Variants in FCGR1A observed in about 807,000 individuals in gnomAD.
FCGR1A encodes Fc gamma receptor Ia.
A neutral mutation model predicts 35.0 loss-of-function variants in FCGR1A; 13 were observed. The observed-to-expected ratio is 0.37, with a 90% CI of 0.24 to 0.59. The LOEUF (loss-of-function observed/expected upper bound fraction) is 0.59. FCGR1A is among the 20% of genes least tolerant of loss of function. The pLI is 0.71. For synonymous variants in FCGR1A, 91 were observed against 164.7 expected, an observed-to-expected ratio of 0.55 and a Z score of 3.43; for missense variants, 227 against 430.0, an observed-to-expected ratio of 0.53 and a Z score of 4.17.
chr1:149,790,728 T>TG (rs1455129065), intron 5 of FCGR1A, among the ~76,000 whole-genome samples: 8 of 149,136 alleles, frequency 5.4e-5, no homozygotes, highest in Non-Finnish European at 1.0e-4. Flanking sequence ...CACCAACAAT[T>TG]TATCAAGTTC....
downstream of FCGR1A, among the ~76,000 whole-genome samples, chr1:149,796,196 CA>C (rs2091798398): frequency 6.6e-6 from 1 of 152,080 alleles, no homozygotes; most frequent in African/African-American, 2.4e-5. Context: ...CTCCCTATCA[CA>C]CATGTATACT....
At chr1:149,790,646 C>T (rs2102061311) in intron 5 of FCGR1A, among the ~76,000 whole-genome samples, 1 of 150,618 alleles carries the variant, frequency 6.6e-6, no homozygotes, top group South Asian at 2.2e-4. Flanking sequence ...ACTCTTCCCT[C>T]CACTCCATGA....
downstream of FCGR1A, chr1:149,792,711 G>A (rs2091741858): frequency 7.8e-7 from 1 of 1,283,342 alleles, no homozygotes; most frequent in Non-Finnish European, 1.0e-6. Context: ...GCTGTTGGGC[G>A]CGCGCTTCTC....
At chr1:149,786,710 G>C (rs1553750876) in intron 3 of FCGR1A, 1 of 152,098 alleles carries the variant, frequency 6.6e-6, no homozygotes, top group African/African-American at 2.4e-5. Flanking sequence ...CGTGAGTTTT[G>C]ATATATAATA....
At chr1:149,787,293 T>C (rs1486612790) in intron 3 of FCGR1A, 2 of 152,222 alleles carry the variant, frequency 1.3e-5, no homozygotes, top group Admixed American at 6.5e-5. Flanking sequence ...GGCACTATTG[T>C]CTCTTTTCCG....
In FCGR1A at chr1:149,782,719, C is replaced by T; in HGVS notation, c.-25C>T. 1 of 1,589,738 alleles carries T rather than the reference C, an allele frequency of 6.3e-7. No individual in the cohort carries two copies. The highest frequency in any genetic ancestry group is 1.1e-5 in the South Asian group (1 of 90,038). ...AATATCTTGCATGTTACAGATTTCA[C>T]TGCTCCCACCAGCTTGGAGACAACA... On this transcript the variant is annotated 5_prime_UTR_variant, in exon 1 of 6. Coordinates refer to ENST00000369168, the MANE Select transcript of FCGR1A (RefSeq NM_000566.4).
chr1:149,788,285 A>G, intron 3 of FCGR1A, 81 bp from the exon 4 acceptor site: 1 of 1,609,856 alleles, frequency 6.2e-7, no homozygotes, highest in Non-Finnish European at 8.5e-7. Flanking sequence ...AGGAGAAAAA[A>G]TAGGAAGCCC....
At chr1:149,789,984 G>A in intron 4 of FCGR1A, 70 bp from the exon 5 acceptor site, 1 of 1,612,926 alleles carries the variant, frequency 6.2e-7, no homozygotes, top group Non-Finnish European at 8.5e-7. Context: ...GGGGGTAAAG[G>A]GCATGTCTTT....
chr1:149,792,644 T>A (rs6658340), downstream of FCGR1A: 2 of 1,272,380 alleles, frequency 1.6e-6, no homozygotes, highest in Admixed American at 4.8e-5. Context: ...TATTGCAGCC[T>A]CCGCCTGTAT....
intron 5 of FCGR1A, among the ~76,000 whole-genome samples, chr1:149,790,701 C>A (rs1407463212): frequency 1.3e-5 from 2 of 150,362 alleles, no homozygotes; most frequent in Non-Finnish European, 3.0e-5. Context: ...TGCCTCCCTC[C>A]TCCTCACCAA....
rs674732 is a variant in FCGR1A at position 149,790,030 on chromosome 1, G to T, written c.560-24G>T. Reference sequence around the variant, plus strand: ...ACCTGGATGCTAAACAGGCAACCTTGTCCCCCATCAACTTTCTCCTTAGAG... The same window carrying T: ...ACCTGGATGCTAAACAGGCAACCTTTTCCCCCATCAACTTTCTCCTTAGAG... On this transcript the variant is annotated intron_variant, in intron 4 of 5. Coordinates refer to ENST00000369168, the MANE Select transcript of FCGR1A (RefSeq NM_000566.4). 20 of 1,611,682 alleles carry T rather than the reference G, an allele frequency of 1.2e-5. 1 individual carries two copies. In the South Asian group the frequency reaches 2.2e-4, roughly 18 times the overall value.
Position 149,788,511 on chromosome 1 carries a change from T to C in FCGR1A, c.453T>C (p.Ser151=), listed in dbSNP as rs1553751145. ...CCTTTAAGTTTTTCCACTGGAATTC[T>C]AACCTCACCATTCTGAAAACCAACA... ...GKAFKFFHWN[S]NLTILKTNIS... is the part of the protein sequence containing the mutation. Residue 151 remains serine (S), a synonymous_variant, in exon 4 of 6, where the codon TCT becomes TCC. Coordinates refer to ENST00000369168, the MANE Select transcript of FCGR1A (RefSeq NM_000566.4). 1 of 1,613,892 alleles carries C rather than the reference T, an allele frequency of 6.2e-7. No homozygotes were observed. Among genetic ancestry groups the C allele is most frequent in the Admixed American group, 1.7e-5 (1 of 60,016 alleles).
In FCGR1A at chr1:149,791,327, C is replaced by A. The variant is rs782691099; in HGVS notation, c.935C>A (p.Thr312Lys). The change falls in exon 6 of 6, where the codon ACA becomes AAA. Residue 312 changes from threonine (T) to lysine (K), a missense_variant. By Grantham distance (78) the Thr-to-Lys change is moderately conservative (BLOSUM62 -1). Around this residue, in one of 3 missense-constraint regions of FCGR1A, gnomAD observed 39 missense variants for 101.3 expected, o/e 0.38. Coordinates refer to ENST00000369168, the MANE Select transcript of FCGR1A (RefSeq NM_000566.4). ...TTAGTGAACACTGTTCTCTGGGTGA[C>A]AATACGTAAAGAACTGAAAAGAAAG... is the stretch of plus-strand genomic sequence containing the variant. ...MFLVNTVLWV[T>K]IRKELKRKKK... is the part of the protein sequence containing the mutation. 2.7e-5 allele frequency: 43 copies of A among 1,593,600 alleles called. 1 individual carries two copies. The highest frequency in any genetic ancestry group is 3.5e-5 in the Non-Finnish European group (41 of 1,169,826).
At chr1:149,785,704 C>T (rs1341061590) in intron 3 of FCGR1A, 1 of 151,994 alleles carries the variant, frequency 6.6e-6, no homozygotes, top group Admixed American at 6.6e-5. Flanking sequence ...TGAAATATAA[C>T]TTATGTACAA....
At chr1:149,797,685 G>A in the FCGR1A span, among the ~76,000 whole-genome samples, 32 of 152,178 alleles carry the variant, frequency 2.1e-4, no homozygotes, top group East Asian at 2.7e-3. Flanking sequence ...GTAACCCTCC[G>A]CCTCCCAGGC....
chr1:149,792,091 A>AC (rs2101421594), downstream of FCGR1A: 1 of 150,082 alleles, frequency 6.7e-6, no homozygotes, highest in South Asian at 2.0e-4. Context: ...CAAGGGGGTA[A>AC]CTCATGATGA....
Position 149,788,171 on chromosome 1 carries a change from G to A in FCGR1A, c.308-195G>A, listed in dbSNP as rs879971758. The A allele has an allele frequency of 1.0e-4, 91 of 896,684 alleles. No homozygotes were observed. In the African/African-American group the frequency reaches 1.2e-3, roughly 12 times the overall value. The allele number at this position is 896,684 out of a possible 1,614,324, so 55.5% of individuals were successfully genotyped here. The stretch of plus-strand genomic sequence containing the variant: ...GGGAAGATAAGAAAGGGCTGTGTAC[G>A]CAGTTGCCAGTAAAGATTGCTTTTC... On this transcript the variant is annotated intron_variant, in intron 3 of 5. Coordinates refer to ENST00000369168, the MANE Select transcript of FCGR1A (RefSeq NM_000566.4).
the FCGR1A span, among the ~76,000 whole-genome samples, chr1:149,797,600 T>C: frequency 2.0e-5 from 3 of 152,308 alleles, no homozygotes; most frequent in East Asian, 5.8e-4. Context: ...TGTTCCTTTG[T>C]TAGCGTTTGA....
At chr1:149,793,001 C>A, downstream of FCGR1A, 1 of 1,273,600 alleles carries the variant, frequency 7.9e-7, no homozygotes, top group South Asian at 1.3e-5. Flanking sequence ...AGGCGCGTAG[C>A]TGAGTCCCTC....
Sources: gnomAD v4.1 joint callset for allele counts (sites outside exome capture counted in the v4.1 genomes callset) on GRCh38, gnomAD v4.1.1 for gene constraint, gnomAD v4.1.1 regional missense constraint, MANE v1.5 for transcripts, NCBI Gene and HGNC (gene_info 2026-07-23, HGNC 2026-07-21) for gene names.